Variants in CDH13 observed in about 807,000 individuals in gnomAD.
CDH13 encodes cadherin-13.
A neutral mutation model predicts 63.8 loss-of-function variants in CDH13; 24 were observed. The observed-to-expected ratio is 0.38, with a 90% CI of 0.27 to 0.53. The LOEUF (loss-of-function observed/expected upper bound fraction) is 0.53, where lower values mean the gene tolerates loss of function less well. Ranked by LOEUF, CDH13 falls within the 20% of genes least tolerant of loss-of-function variation. The pLI is 0.85. For missense variants in CDH13, 1,049 were observed against 903.1 expected, an observed-to-expected ratio of 1.16 and a Z score of -2.07; for synonymous variants, 503 against 355.3, an observed-to-expected ratio of 1.42 and a Z score of -4.67.
At position 83,560,765 on chromosome 16, in the gene CDH13, C is replaced by G. The variant is rs2075688667; in HGVS notation, c.961-41689C>G. 2.6e-5 allele frequency among the ~76,000 whole-genome samples: 4 copies of G among 152,304 alleles called. No individual in the cohort carries two copies. In the South Asian group the frequency reaches 8.3e-4, roughly 32 times the overall value. On this transcript the variant is annotated intron_variant, in intron 7 of 13. Coordinates refer to ENST00000567109, the MANE Select transcript of CDH13 (RefSeq NM_001257.5). ...CTAGTTACTAAGTCTCTCCAAGTTT[C>G]TATTCCAAATTCCCAAGAGATCACA... is the stretch of plus-strand genomic sequence containing the variant.
At position 82,901,324 on chromosome 16, in the gene CDH13, C is replaced by CTCTG. The variant is rs777728162; in HGVS notation, c.157+42852_157+42853insCTGT. Among the ~76,000 whole-genome samples the CTCTG allele has an allele frequency of 8.4e-3, 1,100 of 130,456 alleles. 19 individuals are homozygous for CTCTG. Among genetic ancestry groups the CTCTG allele is most frequent in the African/African-American group, 0.03 (996 of 33,368 alleles). The allele number at this position is 130,456 out of a possible 152,430, so 85.6% of individuals were successfully genotyped here. A position where few individuals can be genotyped will look rare whatever the true frequency, so the allele number is the denominator to read the frequency against. ...TCTTAGTGGAATAGATAGTATTCTC[C>CTCTG]TGTGTGTGTGTGTGTGTGTGTGTGT... On this transcript the variant is annotated intron_variant, in intron 2 of 13. Transcript: ENST00000567109.
At chr16:82,707,570 C>G (rs34791821) in intron 1 of CDH13, among the ~76,000 whole-genome samples, 68,177 of 152,022 alleles carry the variant, frequency 0.45, 15,713 homozygotes, top group East Asian at 0.65. Context: ...GTCTGTGATA[C>G]ATGACAGAGT....
chr16:82,764,145 G>A (rs1454317373), intron 1 of CDH13, among the ~76,000 whole-genome samples: 1 of 152,174 alleles, frequency 6.6e-6, no homozygotes, highest in East Asian at 1.9e-4. Flanking sequence ...CAAAGTAGGT[G>A]TTATTTGTAT....
chr16:83,008,948 CAGG>C (rs1482867081), intron 2 of CDH13, among the ~76,000 whole-genome samples: 12 of 152,252 alleles, frequency 7.9e-5, no homozygotes, highest in Admixed American at 3.3e-4. Context: ...CACTTGGTGG[CAGG>C]AGGAAGAATG....
intron 7 of CDH13, among the ~76,000 whole-genome samples, chr16:83,540,289 C>T (rs1346932337): frequency 6.6e-6 from 1 of 152,204 alleles, no homozygotes; most frequent in African/African-American, 2.4e-5. Flanking sequence ...TTCATAAATG[C>T]AGAATGTTGG....
chr16:83,367,187 G>T (rs1414435125), intron 6 of CDH13, among the ~76,000 whole-genome samples: 5 of 152,122 alleles, frequency 3.3e-5, no homozygotes, highest in African/African-American at 1.2e-4. Context: ...CCATGGATTT[G>T]CCCATTCTGG....
At chr16:83,538,911 C>T (rs1188521016) in intron 7 of CDH13, among the ~76,000 whole-genome samples, 1 of 152,126 alleles carries the variant, frequency 6.6e-6, no homozygotes, top group African/African-American at 2.4e-5. Context: ...TCATCCTTCG[C>T]AAATATCATG....
chr16:82,943,130 T>C (rs1904321352), intron 2 of CDH13, among the ~76,000 whole-genome samples: 1 of 152,228 alleles, frequency 6.6e-6, no homozygotes, highest in South Asian at 2.1e-4. Context: ...ATATATTTGA[T>C]TTGAGAGTTT....
chr16:83,074,696 G>A (rs1180461259), intron 3 of CDH13, among the ~76,000 whole-genome samples: 1 of 152,166 alleles, frequency 6.6e-6, no homozygotes, highest in Admixed American at 6.5e-5. Context: ...ATGAACAGGA[G>A]TCTTTGGAGC....
chr16:83,062,084 T>G (rs1271931512), intron 3 of CDH13, among the ~76,000 whole-genome samples: 2 of 152,218 alleles, frequency 1.3e-5, no homozygotes, highest in Admixed American at 6.5e-5. Flanking sequence ...GATGGAGTGC[T>G]GTGGCCTCTC....
intron 4 of CDH13, among the ~76,000 whole-genome samples, chr16:83,164,145 G>C (rs1213243762): frequency 6.7e-6 from 1 of 149,028 alleles, no homozygotes; most frequent in African/African-American, 2.5e-5. Flanking sequence ...CTACAGCGTA[G>C]GTTGCTTAGT....
intron 2 of CDH13, among the ~76,000 whole-genome samples, chr16:82,997,494 A>G (rs1372353820): frequency 6.6e-6 from 1 of 152,210 alleles, no homozygotes; most frequent in Non-Finnish European, 1.5e-5. Flanking sequence ...AATCCATGGT[A>G]AACAAAATGT....
chr16:83,501,690 C>T (rs2074287361), intron 7 of CDH13, among the ~76,000 whole-genome samples: 1 of 152,152 alleles, frequency 6.6e-6, no homozygotes, highest in Non-Finnish European at 1.5e-5. Context: ...CCTGAGTCAC[C>T]CACTGGAGAG....
intron 7 of CDH13, among the ~76,000 whole-genome samples, chr16:83,492,888 T>G (rs6563916): frequency 2.0e-5 from 3 of 152,224 alleles, no homozygotes; most frequent in African/African-American, 7.2e-5. Context: ...CCATCCCTCT[T>G]AGTGTGACCT....
chr16:82,969,922 C>G (rs910678352), intron 2 of CDH13, among the ~76,000 whole-genome samples: 2 of 151,878 alleles, frequency 1.3e-5, no homozygotes, highest in South Asian at 2.1e-4. Context: ...TTTCTTAATC[C>G]TCCATTTAGT....
intron 1 of CDH13, among the ~76,000 whole-genome samples, chr16:82,807,033 A>C (rs1243027373): frequency 1.3e-5 from 2 of 152,142 alleles, no homozygotes; most frequent in East Asian, 3.8e-4. Flanking sequence ...TTTTCAGTCC[A>C]AATGACAAGT....
At chr16:82,708,811 C>T (rs1343775881) in intron 1 of CDH13, among the ~76,000 whole-genome samples, 1 of 152,200 alleles carries the variant, frequency 6.6e-6, no homozygotes, top group Non-Finnish European at 1.5e-5. Context: ...CCAAACACAA[C>T]TTGCACAGTG....
At chr16:83,194,309 G>T (rs1213729926) in intron 4 of CDH13, among the ~76,000 whole-genome samples, 1 of 152,190 alleles carries the variant, frequency 6.6e-6, no homozygotes, top group Non-Finnish European at 1.5e-5. Context: ...ATGCAAGGAT[G>T]ATCACGCTTG....
At chr16:83,671,374 G>C (rs556046754) in intron 9 of CDH13, among the ~76,000 whole-genome samples, 9 of 152,182 alleles carry the variant, frequency 5.9e-5, no homozygotes, top group African/African-American at 1.9e-4. Context: ...TCAGCCTCCT[G>C]AGTAGCTGGG....
Sources: allele counts gnomAD v4.1 joint callset (sites outside exome capture counted in the v4.1 genomes callset), GRCh38; gene constraint gnomAD v4.1.1; transcripts MANE v1.5; gene names NCBI Gene and HGNC (gene_info 2026-07-23, HGNC 2026-07-21).